ITGA2: variants seen among roughly 807,000 people sequenced by gnomAD.
ITGA2 encodes integrin subunit alpha 2, also known as integrin alpha-2.
In ITGA2, 101 loss-of-function variants were observed where a neutral mutation model predicts 146.3. That is an observed-to-expected ratio of 0.69 (90% confidence interval 0.59 to 0.81). The LOEUF (loss-of-function observed/expected upper bound fraction) is 0.81, where lower values mean the gene tolerates loss of function less well. Among genes scored for constraint, ITGA2 ranks in the 40% least tolerant of loss-of-function variants. The probability of loss-of-function intolerance (pLI) is 0.00; values close to 1 mark genes in which losing one functional copy is unlikely to be tolerated. For missense variants in ITGA2, 1,281 were observed against 1,402.7 expected (o/e 0.91, Z 1.39); for synonymous variants, 477 against 487.1 (o/e 0.98, Z 0.27).
At chr5:53,004,599 A>G (rs1482182300) in intron 1 of ITGA2, among the ~76,000 whole-genome samples, 1 of 152,106 alleles carries the variant, frequency 6.6e-6, no homozygotes, top group Non-Finnish European at 1.5e-5. Context: ...TTCCATTTCT[A>G]GCATCACCTG....
In ITGA2 at chr5:53,048,674, G is replaced by A. The variant is rs771303086; in HGVS notation, c.534G>A (p.Val178=). The A allele has an allele frequency of 9.9e-6, 16 of 1,614,024 alleles. No individual in the cohort carries two copies. The East Asian group carries it at 3.1e-4, about 31-fold the overall frequency. The change falls in exon 6 of 30, where the codon GTG becomes GTA. Residue 178 remains valine, a synonymous_variant. Transcript: ENST00000296585. ...CTTCCCTCATAGATGTTGTGGTTGT[G>A]TGTGATGAATCAAATAGTATTTATC... The part of the protein sequence containing the change: ...PCPSLIDVVV[V]CDESNSIYPW...
chr5:53,011,292 A>T (rs1478185961), intron 1 of ITGA2, among the ~76,000 whole-genome samples: 3 of 152,102 alleles, frequency 2.0e-5, no homozygotes, highest in South Asian at 2.1e-4. Flanking sequence ...AAAAGGTTGA[A>T]TTTTCTTCCT....
At chr5:53,081,402 A>G (rs1745908232) in intron 25 of ITGA2, among the ~76,000 whole-genome samples, 190 bp from the exon 26 acceptor site, 1 of 152,186 alleles carries the variant, frequency 6.6e-6, no homozygotes, top group Non-Finnish European at 1.5e-5. Context: ...ATCAGTTCAC[A>G]TCAGGAGCAT....
At chr5:53,056,904 T>C (rs1275544761) in intron 9 of ITGA2, among the ~76,000 whole-genome samples, 1 of 151,846 alleles carries the variant, frequency 6.6e-6, no homozygotes, top group East Asian at 1.9e-4. Context: ...AGACCATATG[T>C]TATTGGAAAC....
intron 6 of ITGA2, among the ~76,000 whole-genome samples, 155 bp downstream of exon 6, chr5:53,048,925 G>C (rs1237824543): frequency 6.6e-6 from 1 of 151,916 alleles, no homozygotes; most frequent in East Asian, 1.9e-4. Flanking sequence ...ACTACATTGG[G>C]TTATTCTACC....
At chr5:53,031,626 C>G (rs1159118465) in intron 2 of ITGA2, among the ~76,000 whole-genome samples, 3 of 152,334 alleles carry the variant, frequency 2.0e-5, no homozygotes, top group African/African-American at 7.2e-5. Context: ...ATGAGACTTT[C>G]ATTGCACTAT....
chr5:53,062,597 A>G (rs921623214), intron 12 of ITGA2, among the ~76,000 whole-genome samples, 189 bp from the exon 13 acceptor site: 2 of 151,880 alleles, frequency 1.3e-5, no homozygotes, highest in African/African-American at 2.4e-5. Context: ...ACTAAGATTT[A>G]AGAACCAGGT....
rs1490912130 is a variant in ITGA2 at position 53,048,456 on chromosome 5, AGCTTCTCACCT to A, written c.484_494del (p.Phe162AsnfsTer15). On this transcript the variant is annotated frameshift_variant, in exon 5 of 30. Transcript: ENST00000296585. LOFTEE classifies it high-confidence loss of function. ...CAGTCCTGATTTTCAGCTCTCAGCC[AGCTTCTCACCT>A]GCAACTCAGCGTAAGTTATTAATGT... 9.3e-6 allele frequency: 15 copies of A among 1,614,026 alleles called. No individual in the cohort carries two copies. Among genetic ancestry groups the A allele is most frequent in the Non-Finnish European group, 1.2e-5 (14 of 1,179,992 alleles).
chr5:53,056,728 A>G (rs1933686237), intron 9 of ITGA2, among the ~76,000 whole-genome samples: 1 of 151,890 alleles, frequency 6.6e-6, no homozygotes, highest in Non-Finnish European at 1.5e-5. Context: ...AAAATAATTT[A>G]CTTAGGTGGC....
chr5:53,016,018 T>G (rs1384236028), intron 1 of ITGA2, among the ~76,000 whole-genome samples: 14 of 152,164 alleles, frequency 9.2e-5, no homozygotes, highest in Non-Finnish European at 4.4e-5. Flanking sequence ...CAGCATACAC[T>G]CGGGTCTTGC....
intron 20 of ITGA2, among the ~76,000 whole-genome samples, chr5:53,073,584 G>A (rs1301552912): frequency 6.6e-6 from 1 of 151,834 alleles, no homozygotes; most frequent in Non-Finnish European, 1.5e-5. Context: ...AGACATTTGA[G>A]TCCCAAAGCT....
intron 6 of ITGA2, among the ~76,000 whole-genome samples, chr5:53,049,241 A>T (rs909269666): frequency 3.3e-5 from 5 of 150,684 alleles, no homozygotes; most frequent in Non-Finnish European, 5.9e-5. Flanking sequence ...TGAACTCCTG[A>T]CCTCAGGTGA....
chr5:53,073,296 T>A, intron 20 of ITGA2, 37 bp downstream of exon 20: 1 of 1,606,448 alleles, frequency 6.2e-7, no homozygotes, highest in Non-Finnish European at 8.5e-7. Flanking sequence ...TCCACCATGC[T>A]TCCTACTTAT....
intron 7 of ITGA2, among the ~76,000 whole-genome samples, chr5:53,052,707 G>A (rs1166150939): frequency 2.0e-5 from 3 of 151,704 alleles, no homozygotes; most frequent in East Asian, 1.9e-4. Flanking sequence ...ATGAACATAC[G>A]CTGCTATTCC....
At chr5:53,076,104 G>T (rs1274346602) in intron 23 of ITGA2, among the ~76,000 whole-genome samples, 1 of 151,960 alleles carries the variant, frequency 6.6e-6, no homozygotes, top group Non-Finnish European at 1.5e-5. Flanking sequence ...GTGAGTTCAT[G>T]GCACAGACAA....
rs751476204 is a variant in ITGA2, at chr5:53,061,039, G to A, written c.1451G>A (p.Gly484Asp). The A allele has an allele frequency of 1.7e-5, 28 of 1,612,094 alleles. No individual in the cohort carries two copies. The highest frequency in any genetic ancestry group is 1.7e-4 in the Middle Eastern group (1 of 6,044). Residue 484 changes from glycine to aspartate, a missense_variant, in exon 12 of 30, where the codon GGT becomes GAT. Around this residue, in one of 3 missense-constraint regions of ITGA2, gnomAD observed 795 missense variants for 841.7 expected, o/e 0.94. Transcript: ENST00000296585. ...GNITVIQAHR[G>D]DQIGSYFGSV... ...ATCACGGTTATTCAGGCTCACCGAG[G>A]TGACCAGGTAAATCTCACTGTTTAG...
rs765575328 is a variant in ITGA2 at position 53,060,918 on chromosome 5, A to G, written c.1330A>G (p.Ile444Val). Residue 444 changes from isoleucine to valine, a missense_variant, in exon 12 of 30, where the codon ATT (isoleucine) becomes GTT (valine). Ile to Val is a conservative substitution (Grantham distance 29). Transcript: ENST00000296585. Reference sequence around the variant, plus strand: ...CCTTTTAGGTTACTCTGTGGCTGCAATTTCTACTGGAGAAAGCACTCACTT... The same window carrying G: ...CCTTTTAGGTTACTCTGTGGCTGCAGTTTCTACTGGAGAAAGCACTCACTT... ...SSYLGYSVAA[I>V]STGESTHFVA... 5.6e-6 allele frequency: 9 copies of G among 1,612,234 alleles called. No individual in the cohort carries two copies. The highest frequency in any genetic ancestry group is 4.5e-5 in the East Asian group (2 of 44,812).
chr5:52,994,769 C>T (rs1561275227), intron 1 of ITGA2, among the ~76,000 whole-genome samples: 4 of 152,070 alleles, frequency 2.6e-5, no homozygotes, highest in Admixed American at 2.6e-4. Flanking sequence ...TTTTCTATAA[C>T]TTAGAGAGCT....
chr5:53,075,155 C>A lies in ITGA2; in HGVS notation c.2741+18C>A. 6.2e-7 allele frequency: 1 copy of A among 1,605,508 alleles called. No individual in the cohort carries two copies. Among genetic ancestry groups the A allele is most frequent in the South Asian group, 1.1e-5 (1 of 90,864 alleles). ...GCCTTAAGGTAAAACATAATGAAGT[C>A]ATGAATGGAATGATGGATAGCTTTG... On this transcript the variant is annotated intron_variant, in intron 22 of 29. Transcript: ENST00000296585.
Sources: allele counts gnomAD v4.1 joint callset (sites outside exome capture counted in the v4.1 genomes callset), GRCh38; gene constraint gnomAD v4.1.1; regional missense constraint gnomAD v4.1.1; transcripts MANE v1.5; gene names NCBI Gene and HGNC (gene_info 2026-07-23, HGNC 2026-07-21).